LSAMP: variants seen among roughly 807,000 people sequenced by gnomAD.
LSAMP encodes limbic system associated membrane protein.
Under a neutral mutation model 38.6 loss-of-function variants are expected in LSAMP, and 7 were observed. That is an observed-to-expected ratio of 0.18 (90% CI 0.10 to 0.34). The LOEUF is 0.34. LSAMP is among the 10% of genes least tolerant of loss of function. The probability of loss-of-function intolerance (pLI) is 1.00; values close to 1 mark genes in which losing one functional copy is unlikely to be tolerated. For synonymous variants in LSAMP, 154 were observed against 166.8 expected, an observed-to-expected ratio of 0.92 and a Z score of 0.59; for missense variants, 313 against 420.0, an observed-to-expected ratio of 0.75 and a Z score of 2.23.
chr3:116,004,663 T>C (rs1940105875), intron 3 of LSAMP, among the ~76,000 whole-genome samples: 1 of 151,852 alleles, frequency 6.6e-6, no homozygotes. Context: ...TGTATATATG[T>C]ATGTACTTTT....
At chr3:115,833,730 C>T (rs545186949) in intron 6 of LSAMP, among the ~76,000 whole-genome samples, 81 of 152,052 alleles carry the variant, frequency 5.3e-4, no homozygotes, top group African/African-American at 1.8e-3. Flanking sequence ...ATTTTTTCCA[C>T]GCCAGGTCCC....
intron 1 of LSAMP, among the ~76,000 whole-genome samples, chr3:116,340,121 T>A (rs2047973075): frequency 6.6e-6 from 1 of 152,076 alleles, no homozygotes; most frequent in South Asian, 2.1e-4. Context: ...ATTATCCCTA[T>A]CATTCTGTTA....
At chr3:116,419,687 T>C (rs975270720) in intron 1 of LSAMP, among the ~76,000 whole-genome samples, 1 of 152,136 alleles carries the variant, frequency 6.6e-6, no homozygotes, top group African/African-American at 2.4e-5. Flanking sequence ...CCCAAGTCTG[T>C]AAATTCGCAG....
chr3:116,352,920 T>C (rs2048161827), intron 1 of LSAMP, among the ~76,000 whole-genome samples: 1 of 152,118 alleles, frequency 6.6e-6, no homozygotes, highest in South Asian at 2.1e-4. Flanking sequence ...ATTGGTTGTC[T>C]GAACAAAGAG....
intron 3 of LSAMP, among the ~76,000 whole-genome samples, chr3:115,922,732 TA>T (rs1937410960): frequency 6.6e-6 from 1 of 152,192 alleles, no homozygotes; most frequent in Non-Finnish European, 1.5e-5. Context: ...GGCTGGGGGT[TA>T]AGGGTGCCTC....
Position 116,053,285 on chromosome 3 carries a change from G to A in LSAMP, c.388+33039C>T, listed in dbSNP as rs570392043. On this transcript the variant is annotated intron_variant, in intron 2 of 6. Coordinates refer to ENST00000490035, the MANE Select transcript of LSAMP (RefSeq NM_002338.5). Reference sequence around the variant, plus strand: ...AGCTTTTCAATTCAATTAAATCATGGTTATTGAGCTTCTAGCTCAAGGTAC... The same window carrying A: ...AGCTTTTCAATTCAATTAAATCATGATTATTGAGCTTCTAGCTCAAGGTAC... 3.9e-5 allele frequency among the ~76,000 whole-genome samples: 6 copies of A among 152,276 alleles called. No homozygotes were observed. The South Asian group carries it at 1.0e-3, about 26-fold the overall frequency.
chr3:116,191,609 C>G (rs114409951), intron 1 of LSAMP, among the ~76,000 whole-genome samples: 1 of 151,606 alleles, frequency 6.6e-6, no homozygotes, highest in Non-Finnish European at 1.5e-5. Flanking sequence ...AATTCAGCAG[C>G]TTGGTTTAGG....
chr3:116,000,983 G>A (rs1272673223), intron 3 of LSAMP, among the ~76,000 whole-genome samples: 1 of 152,152 alleles, frequency 6.6e-6, no homozygotes, highest in African/African-American at 2.4e-5. Flanking sequence ...CAGTTATGCA[G>A]TTTTCCCAAA....
At chr3:116,340,723 A>G (rs1215620617) in intron 1 of LSAMP, among the ~76,000 whole-genome samples, 2 of 152,044 alleles carry the variant, frequency 1.3e-5, no homozygotes, top group Non-Finnish European at 2.9e-5. Context: ...CAGCCTACAA[A>G]CAATACTGTG....
At chr3:116,067,398 G>A (rs983863294) in intron 2 of LSAMP, among the ~76,000 whole-genome samples, 4 of 152,158 alleles carry the variant, frequency 2.6e-5, no homozygotes, top group Non-Finnish European at 4.4e-5. Flanking sequence ...CATGCCTAGA[G>A]GCACTCAAGC....
At chr3:115,877,855 A>T (rs867413558) in intron 3 of LSAMP, among the ~76,000 whole-genome samples, 3 of 152,000 alleles carry the variant, frequency 2.0e-5, no homozygotes, top group African/African-American at 7.2e-5. Flanking sequence ...GGTTGCAAAA[A>T]TTTTTTAAAA....
At position 115,835,098 on chromosome 3, in the gene LSAMP, A is replaced by G. The variant is rs577448074; in HGVS notation, c.919+6747T>C. Among the ~76,000 whole-genome samples the G allele has an allele frequency of 2.0e-5, 3 of 152,290 alleles. No homozygotes were observed. The East Asian group carries it at 5.8e-4, about 29-fold the overall frequency. ...ATTTACTGTGGACAATACTAGCTCA[A>G]CTTTTCCCTTAGGTTTTTACTTTAC... is the stretch of plus-strand genomic sequence containing the variant. On this transcript the variant is annotated intron_variant, in intron 6 of 6. Transcript: ENST00000490035.
intron 2 of LSAMP, among the ~76,000 whole-genome samples, chr3:116,072,730 C>T (rs1244671046): frequency 8.2e-6 from 1 of 121,460 alleles, no homozygotes; most frequent in African/African-American, 3.0e-5. Flanking sequence ...TATTTGCTTA[C>T]TTTTTGAAGG....
intron 1 of LSAMP, among the ~76,000 whole-genome samples, chr3:116,239,836 G>A (rs2046509880): frequency 6.6e-6 from 1 of 152,022 alleles, no homozygotes; most frequent in Non-Finnish European, 1.5e-5. Context: ...CACTAATAGG[G>A]GGTAGATCAA....
chr3:116,143,564 C>T (rs1709420538), intron 1 of LSAMP, among the ~76,000 whole-genome samples: 1 of 151,858 alleles, frequency 6.6e-6, no homozygotes, highest in Admixed American at 6.6e-5. Flanking sequence ...ATTAAAATAT[C>T]TCATTACCCC....
chr3:116,441,593 A>T (rs1406737051), intron 1 of LSAMP, among the ~76,000 whole-genome samples: 1 of 152,204 alleles, frequency 6.6e-6, no homozygotes, highest in Non-Finnish European at 1.5e-5. Flanking sequence ...ACATAGTCTC[A>T]ACCTTCCAAT....
chr3:116,295,912 CA>C (rs2047326553), intron 1 of LSAMP, among the ~76,000 whole-genome samples: 1 of 152,110 alleles, frequency 6.6e-6, no homozygotes, highest in Non-Finnish European at 1.5e-5. Flanking sequence ...TAGAATAGTA[CA>C]TTAGGAAATT....
intron 1 of LSAMP, among the ~76,000 whole-genome samples, chr3:116,163,078 T>A (rs767125927): frequency 5.3e-5 from 8 of 151,860 alleles, no homozygotes; most frequent in Admixed American, 4.6e-4. Flanking sequence ...TTTTTTTAAA[T>A]TTTATTATTA....
At chr3:116,242,838 G>GA (rs1553716837) in intron 1 of LSAMP, among the ~76,000 whole-genome samples, 2 of 151,378 alleles carry the variant, frequency 1.3e-5, no homozygotes, top group Non-Finnish European at 2.9e-5. Flanking sequence ...CTCATAGATA[G>GA]AAGTGTCCAA....
Sources: allele counts gnomAD v4.1 joint callset (sites outside exome capture counted in the v4.1 genomes callset), GRCh38; gene constraint gnomAD v4.1.1; transcripts MANE v1.5; gene names NCBI Gene and HGNC (gene_info 2026-07-23, HGNC 2026-07-21).